The following MDGA2 variants were observed in gnomAD, a reference collection of about 807,000 sequenced individuals.
The protein encoded by MDGA2 is MAM domain containing glycosylphosphatidylinositol anchor 2, also known as MAM domain-containing glycosylphosphatidylinositol anchor protein 2.
In MDGA2, 40 loss-of-function variants were observed where a neutral mutation model predicts 117.8. The ratio of observed to expected loss-of-function variants is 0.34; its 90% CI spans 0.26 to 0.44. The LOEUF (loss-of-function observed/expected upper bound fraction) is 0.44, where lower values mean the gene tolerates loss of function less well. Among genes scored for constraint, MDGA2 ranks in the 20% least tolerant of loss-of-function variants. The pLI is 1.00. For missense variants in MDGA2, 1,123 were observed against 1,250.6 expected (o/e 0.90, Z 1.54); for synonymous variants, 452 against 439.0 (o/e 1.03, Z -0.37).
At chr14:47,340,105 T>G (rs927376480) in intron 1 of MDGA2, among the ~76,000 whole-genome samples, 1 of 152,176 alleles carries the variant, frequency 6.6e-6, no homozygotes, top group Admixed American at 6.6e-5. Flanking sequence ...AGCATTGCAG[T>G]GCTGTTGGCT....
At chr14:47,093,049 C>T (rs561928629) in intron 6 of MDGA2, among the ~76,000 whole-genome samples, 57 of 152,038 alleles carry the variant, frequency 3.7e-4, no homozygotes, top group African/African-American at 1.3e-3. Flanking sequence ...CTCTGAGCTA[C>T]GGTGGTCAGA....
At chr14:47,148,636 G>C (rs1450747394) in intron 3 of MDGA2, among the ~76,000 whole-genome samples, 1 of 152,162 alleles carries the variant, frequency 6.6e-6, no homozygotes, top group Non-Finnish European at 1.5e-5. Context: ...ATTCTCCCTA[G>C]TGTATGATTA....
intron 8 of MDGA2, among the ~76,000 whole-genome samples, chr14:47,011,067 G>C (rs1323379369): frequency 6.6e-6 from 1 of 151,970 alleles, no homozygotes; most frequent in Non-Finnish European, 1.5e-5. Context: ...GGAGAATAAA[G>C]AAAGTAGATA....
chr14:46,865,232 A>C (rs1474790167), intron 14 of MDGA2, among the ~76,000 whole-genome samples: 1 of 152,088 alleles, frequency 6.6e-6, no homozygotes, highest in African/African-American at 2.4e-5. Flanking sequence ...AAAATCCTTG[A>C]ATGCCAGCAT....
chr14:47,377,116 G>T (rs1891495721), intron 1 of MDGA2, among the ~76,000 whole-genome samples: 3 of 152,158 alleles, frequency 2.0e-5, no homozygotes, highest in African/African-American at 7.2e-5. Flanking sequence ...TACTTAGAAT[G>T]AGATGATATA....
At chr14:47,217,381 G>A (rs1417792405) in intron 3 of MDGA2, among the ~76,000 whole-genome samples, 2 of 151,726 alleles carry the variant, frequency 1.3e-5, no homozygotes, top group Admixed American at 6.6e-5. Flanking sequence ...AATTAAGTAA[G>A]GAGACCAAAA....
intron 2 of MDGA2, among the ~76,000 whole-genome samples, chr14:47,232,492 G>A (rs1170463564): frequency 6.6e-6 from 1 of 152,028 alleles, no homozygotes; most frequent in Admixed American, 6.6e-5. Context: ...GTTTAAACAA[G>A]CTAAATGAAT....
At chr14:47,164,638 T>G (rs1213060776) in intron 3 of MDGA2, among the ~76,000 whole-genome samples, 1 of 152,170 alleles carries the variant, frequency 6.6e-6, no homozygotes, top group Non-Finnish European at 1.5e-5. Context: ...ATAGGACACT[T>G]TTACACTGTT....
chr14:47,395,110 G>A (rs1891979707), intron 1 of MDGA2, among the ~76,000 whole-genome samples: 1 of 152,114 alleles, frequency 6.6e-6, no homozygotes, highest in Non-Finnish European at 1.5e-5. Flanking sequence ...AGCTATAATT[G>A]TGCCACTTCA....
At chr14:47,546,106 A>T (rs1895458019) in intron 1 of MDGA2, among the ~76,000 whole-genome samples, 1 of 152,236 alleles carries the variant, frequency 6.6e-6, no homozygotes. Flanking sequence ...AAATAAATCC[A>T]AACATAATTT....
chr14:47,442,249 G>A (rs1048629951), intron 1 of MDGA2, among the ~76,000 whole-genome samples: 3 of 152,140 alleles, frequency 2.0e-5, no homozygotes, highest in African/African-American at 7.2e-5. Context: ...TTTATTGAGT[G>A]TCTGTTTAGT....
At chr14:47,195,854 C>T (rs1885270547) in intron 3 of MDGA2, among the ~76,000 whole-genome samples, 1 of 151,934 alleles carries the variant, frequency 6.6e-6, no homozygotes, top group Admixed American at 6.6e-5. Flanking sequence ...AAATTAAAAG[C>T]CACGTCTGAA....
At chr14:47,656,089 G>A (rs565557457) in intron 1 of MDGA2, among the ~76,000 whole-genome samples, 1 of 152,270 alleles carries the variant, frequency 6.6e-6, no homozygotes, top group East Asian at 1.9e-4. Flanking sequence ...TAGGCAGAAT[G>A]CCTGAAAATA....
chr14:46,879,711 A>T (rs1882370149), intron 11 of MDGA2, among the ~76,000 whole-genome samples: 2 of 152,064 alleles, frequency 1.3e-5, no homozygotes, highest in Non-Finnish European at 2.9e-5. Context: ...GTGAACCCTA[A>T]TTCTAGTCAG....
intron 8 of MDGA2, among the ~76,000 whole-genome samples, chr14:47,020,085 A>C (rs574656723): frequency 6.6e-6 from 1 of 152,188 alleles, no homozygotes; most frequent in Non-Finnish European, 1.5e-5. Flanking sequence ...TAAAGCTGCG[A>C]ATTCAAGGCA....
At chr14:47,198,432 C>A (rs113731710) in intron 3 of MDGA2, among the ~76,000 whole-genome samples, 3,079 of 152,150 alleles carry the variant, frequency 0.02, 50 homozygotes, top group Non-Finnish European at 0.029. Context: ...ATTAACCGGG[C>A]TTGGTGGCAG....
chr14:47,526,888 A>G (rs919801084), intron 1 of MDGA2, among the ~76,000 whole-genome samples: 1 of 152,144 alleles, frequency 6.6e-6, no homozygotes, highest in Non-Finnish European at 1.5e-5. Flanking sequence ...TGAGATCACC[A>G]TGGTGCACTC....
At chr14:46,907,547 T>A (rs1048256103) in intron 10 of MDGA2, among the ~76,000 whole-genome samples, 2 of 152,196 alleles carry the variant, frequency 1.3e-5, no homozygotes, top group Non-Finnish European at 2.9e-5. Context: ...CAGAAATAGA[T>A]ATTATACATA....
chr14:47,379,481 G>A (rs531269621), intron 1 of MDGA2, among the ~76,000 whole-genome samples: 11 of 152,228 alleles, frequency 7.2e-5, no homozygotes, highest in African/African-American at 1.9e-4. Context: ...CCCATCTCAC[G>A]TGCAGAGACA....
Sources: allele counts gnomAD v4.1 joint callset (sites outside exome capture counted in the v4.1 genomes callset), GRCh38; gene constraint gnomAD v4.1.1; transcripts MANE v1.5; gene names NCBI Gene and HGNC (gene_info 2026-07-23, HGNC 2026-07-21).